Variants in NAV3 observed in about 807,000 individuals in gnomAD.
The protein encoded by NAV3 is pore membrane and/or filament interacting like protein 1.
NAV3 carries 87 observed loss-of-function variants against 244.7 expected under a neutral mutation model. That is an observed-to-expected ratio of 0.36 (90% CI 0.30 to 0.42). The LOEUF (loss-of-function observed/expected upper bound fraction) is 0.42, where lower values mean the gene tolerates loss of function less well. Among genes scored for constraint, NAV3 ranks in the 20% least tolerant of loss-of-function variants. The pLI, the probability that NAV3 is intolerant of heterozygous loss-of-function variation, is 1.00. For synonymous variants in NAV3, 1,126 were observed against 1,042.2 expected (o/e 1.08, Z -1.55); for missense variants, 2,663 against 2,893.3 (o/e 0.92, Z 1.83).
chr12:77,633,416 T>C (rs1252083072), intron 2 of NAV3, among the ~76,000 whole-genome samples: 2 of 152,110 alleles, frequency 1.3e-5, no homozygotes, highest in Admixed American at 6.5e-5. Flanking sequence ...ATATCAAGTG[T>C]TATTCTTGAT....
chr12:78,098,296 T>G (rs563605711), intron 12 of NAV3, among the ~76,000 whole-genome samples: 5 of 152,168 alleles, frequency 3.3e-5, no homozygotes, highest in African/African-American at 1.2e-4. Flanking sequence ...TCTTGTTAAA[T>G]GTACACATTT....
intron 3 of NAV3, among the ~76,000 whole-genome samples, chr12:77,947,880 T>C (rs1182257117): frequency 1.3e-5 from 2 of 152,042 alleles, no homozygotes; most frequent in African/African-American, 2.4e-5. Flanking sequence ...AATGAAGTAA[T>C]TGACATAACA....
At chr12:77,875,297 GGTCATCCCTGTATAT>G (rs1881684933) in intron 1 of NAV3, among the ~76,000 whole-genome samples, 1 of 151,738 alleles carries the variant, frequency 6.6e-6, no homozygotes, top group Non-Finnish European at 1.5e-5. Flanking sequence ...TATCCACAAG[GGTCATCCCTGTATAT>G]TATACTGCTT....
chr12:78,131,598 AG>A (rs1223452453), intron 18 of NAV3, among the ~76,000 whole-genome samples: 8 of 152,168 alleles, frequency 5.3e-5, no homozygotes, highest in African/African-American at 1.9e-4. Flanking sequence ...TAATTTGATT[AG>A]TTGACTCCTT....
chr12:77,805,176 T>C (rs182019200), intron 2 of NAV3, among the ~76,000 whole-genome samples: 203 of 152,344 alleles, frequency 1.3e-3, no homozygotes, highest in African/African-American at 4.6e-3. Context: ...TCTTGCCTGA[T>C]TGTCCTGCCA....
intron 25 of NAV3, 63 bp downstream of exon 25, chr12:78,175,490 C>A: frequency 6.4e-7 from 1 of 1,569,906 alleles, no homozygotes; most frequent in Non-Finnish European, 8.6e-7. Context: ...AGGCCTTTTT[C>A]TTTGGGGCTT....
chr12:78,040,387 A>T lies in NAV3; in HGVS notation c.2024-9606A>T, dbSNP rs189241842. ...ATGAGGGAGGCTTTGGTTCTAAAAC[A>T]TGAGAGAAACCAGATAAACAATGAA... On this transcript the variant is annotated intron_variant, in intron 9 of 39. Coordinates refer to ENST00000397909, the MANE Select transcript of NAV3 (RefSeq NM_001024383.2). Among the ~76,000 whole-genome samples, 5 of 152,306 alleles carry T rather than the reference A, an allele frequency of 3.3e-5. No individual in the cohort carries two copies. The East Asian group carries it at 7.7e-4, about 24-fold the overall frequency.
At chr12:77,969,394 A>G (rs1423419215) in intron 5 of NAV3, among the ~76,000 whole-genome samples, 1 of 152,120 alleles carries the variant, frequency 6.6e-6, no homozygotes, top group Non-Finnish European at 1.5e-5. Flanking sequence ...TTTATTGTGA[A>G]GAATTGGTTT....
chr12:77,598,098 A>G (rs1460272756), intron 2 of NAV3, among the ~76,000 whole-genome samples: 1 of 152,086 alleles, frequency 6.6e-6, no homozygotes, highest in African/African-American at 2.4e-5. Flanking sequence ...ATAGATACCC[A>G]TATACATTTA....
intron 1 of NAV3, among the ~76,000 whole-genome samples, chr12:77,937,086 T>A (rs1395401983): frequency 6.6e-6 from 1 of 152,194 alleles, no homozygotes; most frequent in African/African-American, 2.4e-5. Context: ...TCAAGTATCT[T>A]TTAAGTATGG....
chr12:77,897,642 G>A (rs1884777123), intron 1 of NAV3, among the ~76,000 whole-genome samples: 2 of 151,152 alleles, frequency 1.3e-5, no homozygotes, highest in Non-Finnish European at 2.9e-5. Flanking sequence ...ATTTCTCCAT[G>A]AGTTGTACCT....
At chr12:77,689,668 A>C (rs1305225281) in intron 2 of NAV3, among the ~76,000 whole-genome samples, 5 of 151,902 alleles carry the variant, frequency 3.3e-5, no homozygotes, top group African/African-American at 1.2e-4. Context: ...AAAAAATTAT[A>C]AGGAACCTAA....
intron 2 of NAV3, among the ~76,000 whole-genome samples, chr12:77,768,743 C>T (rs1045151884): frequency 1.6e-4 from 24 of 152,150 alleles, no homozygotes; most frequent in South Asian, 1.0e-3. Flanking sequence ...CCTGGGAGGG[C>T]GGGCTCCTGC....
chr12:77,979,490 A>T (rs1473137458), intron 5 of NAV3, among the ~76,000 whole-genome samples: 1 of 152,100 alleles, frequency 6.6e-6, no homozygotes, highest in Admixed American at 6.6e-5. Context: ...CTACATGGAA[A>T]ATCAGGAGAT....
chr12:78,049,217 G>C (rs1473182334), intron 9 of NAV3, among the ~76,000 whole-genome samples: 1 of 152,122 alleles, frequency 6.6e-6, no homozygotes, highest in Non-Finnish European at 1.5e-5. Context: ...CCCCTTTCCA[G>C]GTGAGTGGAT....
chr12:78,089,488 A>T (rs916041447), intron 12 of NAV3, among the ~76,000 whole-genome samples: 8 of 152,184 alleles, frequency 5.3e-5, no homozygotes, highest in Non-Finnish European at 8.8e-5. Context: ...GCTTATCAAA[A>T]ATATACTGTA....
intron 18 of NAV3, among the ~76,000 whole-genome samples, chr12:78,132,124 C>T (rs1363378955): frequency 6.6e-6 from 1 of 152,128 alleles, no homozygotes; most frequent in Non-Finnish European, 1.5e-5. Flanking sequence ...CTGAAGCTAA[C>T]ATGTCCATGG....
intron 18 of NAV3, among the ~76,000 whole-genome samples, chr12:78,133,198 C>A (rs1352581367): frequency 6.6e-6 from 1 of 152,044 alleles, no homozygotes; most frequent in African/African-American, 2.4e-5. Context: ...ATCTTAGAAA[C>A]ACGTATGGCT....
At chr12:78,142,935 G>A (rs1462177689) in intron 20 of NAV3, among the ~76,000 whole-genome samples, 1 of 151,806 alleles carries the variant, frequency 6.6e-6, no homozygotes, top group Non-Finnish European at 1.5e-5. Context: ...ATGAATATTT[G>A]GGGAACTACT....
Sources: gnomAD v4.1 joint callset for allele counts (sites outside exome capture counted in the v4.1 genomes callset) on GRCh38, gnomAD v4.1.1 for gene constraint, MANE v1.5 for transcripts, NCBI Gene and HGNC (gene_info 2026-07-23, HGNC 2026-07-21) for gene names.